Variants in SV2C observed in about 807,000 individuals in gnomAD.
The protein encoded by SV2C is synaptic vesicle glycoprotein 2C.
A neutral mutation model predicts 79.7 loss-of-function variants in SV2C; 49 were observed. The ratio of observed to expected loss-of-function variants is 0.61; its 90% CI spans 0.49 to 0.78. SV2C has a LOEUF of 0.78. SV2C is among the 30% of genes least tolerant of loss of function. The probability of loss-of-function intolerance (pLI) is 0.00; values close to 1 mark genes in which losing one functional copy is unlikely to be tolerated. For synonymous variants in SV2C, 334 were observed against 333.2 expected (o/e 1.00, Z -0.03); for missense variants, 833 against 912.9 (o/e 0.91, Z 1.13).
chr5:75,931,947 C>T, the SV2C span, among the ~76,000 whole-genome samples: 9 of 152,194 alleles, frequency 5.9e-5, no homozygotes, highest in African/African-American at 2.2e-4. Context: ...TGAACAGCAG[C>T]CTCTTGACTG....
chr5:75,947,619 T>G, the SV2C span, among the ~76,000 whole-genome samples: 1 of 152,040 alleles, frequency 6.6e-6, no homozygotes, highest in Admixed American at 6.6e-5. Flanking sequence ...AGGGGTATCC[T>G]AATTTCACCA....
chr5:76,266,493 C>G (rs1355876852), intron 4 of SV2C, among the ~76,000 whole-genome samples: 1 of 152,220 alleles, frequency 6.6e-6, no homozygotes, highest in Non-Finnish European at 1.5e-5. Context: ...CAGGCATGAG[C>G]CACTGCACCC....
the SV2C span, among the ~76,000 whole-genome samples, chr5:75,961,280 G>A: frequency 1.3e-5 from 2 of 151,872 alleles, no homozygotes; most frequent in Non-Finnish European, 2.9e-5. Context: ...CTGTTTGGAT[G>A]AGTAATACAG....
Position 76,281,196 on chromosome 5 carries a change from GACAA to G in SV2C, c.914-3962_914-3959del, listed in dbSNP as rs1212941444. On this transcript the variant is annotated intron_variant, in intron 4 of 12. Transcript: ENST00000502798. ...TAGAAATCCTTAAAAAAAGTAAGCCGACAAACAGAAAAGACAACAACAGTGAAAT... is the reference window on the plus strand; with the variant it reads ...TAGAAATCCTTAAAAAAAGTAAGCCGACAGAAAAGACAACAACAGTGAAAT... The G allele has an allele frequency of 7.9e-5, 42 of 533,062 alleles. No homozygotes were observed. In the Admixed American group the frequency reaches 7.9e-4, roughly 10 times the overall value. 33.0% of individuals were successfully genotyped at this position (533,062 alleles called of 1,614,324 possible). A position where few individuals can be genotyped will look rare whatever the true frequency, so the allele number is the denominator to read the frequency against.
chr5:76,310,139 C>T (rs1021361543), intron 12 of SV2C, among the ~76,000 whole-genome samples: 1 of 152,118 alleles, frequency 6.6e-6, no homozygotes, highest in East Asian at 1.9e-4. Context: ...AGACAGAAAG[C>T]TTTGCCTTGA....
chr5:75,945,250 A>G, the SV2C span, among the ~76,000 whole-genome samples: 1 of 152,082 alleles, frequency 6.6e-6, no homozygotes, highest in Admixed American at 6.6e-5. Context: ...CAAGACAATC[A>G]ATTTGAAATA....
At chr5:76,272,146 A>G (rs1746888329) in intron 4 of SV2C, among the ~76,000 whole-genome samples, 1 of 152,232 alleles carries the variant, frequency 6.6e-6, no homozygotes, top group Non-Finnish European at 1.5e-5. Context: ...TCAACAAGTT[A>G]GCAGAGGTAT....
At chr5:76,090,352 T>C in intron 1 of SV2C, among the ~76,000 whole-genome samples, 1 of 152,240 alleles carries the variant, frequency 6.6e-6, no homozygotes, top group East Asian at 1.9e-4. Context: ...TATGCATATT[T>C]GTATCCAGCA....
the SV2C span, among the ~76,000 whole-genome samples, chr5:75,984,375 G>T: frequency 6.6e-6 from 1 of 152,096 alleles, no homozygotes; most frequent in African/African-American, 2.4e-5. Context: ...GCTAGGCTAG[G>T]TGCTTTGCCT....
the SV2C span, among the ~76,000 whole-genome samples, chr5:76,019,116 T>C: frequency 2.0e-5 from 3 of 152,066 alleles, no homozygotes; most frequent in African/African-American, 7.2e-5. Context: ...ACCCCTATCA[T>C]TGGAAAATCT....
chr5:76,242,229 T>C (rs1366665258), intron 4 of SV2C: 1 of 997,338 alleles, frequency 1.0e-6, no homozygotes, highest in Non-Finnish European at 1.6e-6. Context: ...GCGGATCTTC[T>C]CTGTGGTTCG....
At chr5:75,879,189 A>G in the SV2C span, among the ~76,000 whole-genome samples, 4 of 152,274 alleles carry the variant, frequency 2.6e-5, no homozygotes, top group Admixed American at 1.3e-4. Flanking sequence ...GAGTGGACAA[A>G]TATTCAAACC....
chr5:75,998,851 A>G, the SV2C span, among the ~76,000 whole-genome samples: 1 of 151,964 alleles, frequency 6.6e-6, no homozygotes, highest in Non-Finnish European at 1.5e-5. Flanking sequence ...TCTCTATTGT[A>G]TATATACACA....
chr5:76,350,489 A>G (rs1749624725), intron 12 of SV2C, among the ~76,000 whole-genome samples: 1 of 152,182 alleles, frequency 6.6e-6, no homozygotes, highest in South Asian at 2.1e-4. Context: ...TCCAGTGTGA[A>G]ATCCTTTGTT....
At chr5:75,856,510 T>C in the SV2C span, among the ~76,000 whole-genome samples, 1 of 152,198 alleles carries the variant, frequency 6.6e-6, no homozygotes, top group African/African-American at 2.4e-5. Context: ...TAACATCTCA[T>C]TGTAGTTTTG....
intron 4 of SV2C, among the ~76,000 whole-genome samples, chr5:76,217,083 C>T (rs1204395165): frequency 6.6e-6 from 1 of 152,136 alleles, no homozygotes; most frequent in African/African-American, 2.4e-5. Context: ...TCTGAAAGCC[C>T]ACAGCACACT....
Position 76,219,304 on chromosome 5 carries a change from G to A in SV2C, c.913+9417G>A, listed in dbSNP as rs751776555. Among the ~76,000 whole-genome samples, 15 of 152,082 alleles carry A rather than the reference G, an allele frequency of 9.9e-5. No individual in the cohort carries two copies. In the South Asian group the frequency reaches 1.2e-3, roughly 13 times the overall value. The stretch of plus-strand genomic sequence containing the variant: ...TGTTAATTTAATTTGTTAATTTTAC[G>A]ATCAATCTTATATTTTATCTCAACG... On this transcript the variant is annotated intron_variant, in intron 4 of 12. Coordinates refer to ENST00000502798, the MANE Select transcript of SV2C (RefSeq NM_014979.4).
chr5:76,047,149 C>T, the SV2C span, among the ~76,000 whole-genome samples: 874 of 152,158 alleles, frequency 5.7e-3, 2 homozygotes, highest in Non-Finnish European at 1.0e-2. Context: ...CATAAGCGTA[C>T]AGCTTGATGA....
At chr5:75,918,531 A>C in the SV2C span, among the ~76,000 whole-genome samples, 2 of 152,272 alleles carry the variant, frequency 1.3e-5, no homozygotes, top group Non-Finnish European at 2.9e-5. Context: ...CTTACTCATC[A>C]CAAAGATTTC....
Sources: gnomAD v4.1 joint callset for allele counts (sites outside exome capture counted in the v4.1 genomes callset) on GRCh38, gnomAD v4.1.1 for gene constraint, MANE v1.5 for transcripts, NCBI Gene and HGNC (gene_info 2026-07-23, HGNC 2026-07-21) for gene names.